Variants in CELF4 observed in about 807,000 individuals in gnomAD.
CELF4 encodes CUGBP Elav-like family member 4.
Under a neutral mutation model 59.9 loss-of-function variants are expected in CELF4, and 18 were observed. The ratio of observed to expected loss-of-function variants is 0.30; its 90% CI spans 0.21 to 0.45. CELF4 has a LOEUF of 0.45. Among genes scored for constraint, CELF4 ranks in the 20% least tolerant of loss-of-function variants. CELF4 has a pLI of 1.00. For synonymous variants in CELF4, 261 were observed against 267.1 expected, an observed-to-expected ratio of 0.98 and a Z score of 0.22; for missense variants, 456 against 689.0, an observed-to-expected ratio of 0.66 and a Z score of 3.79.
At chr18:37,515,164 T>C (rs1439895997) in intron 1 of CELF4, among the ~76,000 whole-genome samples, 1 of 152,222 alleles carries the variant, frequency 6.6e-6, no homozygotes, top group Admixed American at 6.5e-5. Context: ...CAAGCAGGCT[T>C]GCTGTTCGGC....
At chr18:37,560,207 G>A (rs1326967679) in intron 1 of CELF4, among the ~76,000 whole-genome samples, 1 of 152,226 alleles carries the variant, frequency 6.6e-6, no homozygotes, top group African/African-American at 2.4e-5. Flanking sequence ...GTTTCCATAT[G>A]TGTGGGATGT....
At chr18:37,442,870 A>G (rs2099736808) in intron 2 of CELF4, among the ~76,000 whole-genome samples, 1 of 152,076 alleles carries the variant, frequency 6.6e-6, no homozygotes. Context: ...CCGTCCTGTT[A>G]AGCTCTCCTT....
chr18:37,565,720 C>G lies in CELF4; in HGVS notation c.-79G>C. The G allele has an allele frequency of 7.9e-7, 1 of 1,267,498 alleles. No homozygotes were observed. The highest frequency in any genetic ancestry group is 1.1e-6 in the Non-Finnish European group (1 of 924,574). 78.5% of individuals were successfully genotyped at this position (1,267,498 alleles called of 1,614,324 possible). On this transcript the variant is annotated 5_prime_UTR_variant, in exon 1 of 13. Coordinates refer to ENST00000420428, the MANE Select transcript of CELF4 (RefSeq NM_020180.4). ...TCTCTCGCTCGCTCGCGCTCACACA[C>G]GCACACGCATACACACACTCGGGTT...
chr18:37,257,960 T>G (rs1380097682), intron 11 of CELF4, among the ~76,000 whole-genome samples: 1 of 152,176 alleles, frequency 6.6e-6, no homozygotes, highest in African/African-American at 2.4e-5. Context: ...GCTTGCTGGA[T>G]AGGGTTGCCA....
chr18:37,556,064 C>T (rs2099984701), intron 1 of CELF4, among the ~76,000 whole-genome samples: 1 of 152,144 alleles, frequency 6.6e-6, no homozygotes, highest in South Asian at 2.1e-4. Context: ...TCACAGAGTT[C>T]CTACAAATAC....
At chr18:37,470,136 A>ATTG (rs756841012) in intron 2 of CELF4, among the ~76,000 whole-genome samples, 39 of 152,250 alleles carry the variant, frequency 2.6e-4, no homozygotes, top group Non-Finnish European at 4.1e-4. Flanking sequence ...CCGAGTCAGA[A>ATTG]TAGAGGGTAA....
intron 3 of CELF4, among the ~76,000 whole-genome samples, chr18:37,311,997 G>T (rs1355530872): frequency 5.3e-5 from 8 of 150,076 alleles, no homozygotes; most frequent in Non-Finnish European, 1.0e-4. Flanking sequence ...TGTAGTCCCA[G>T]CTACTCGGGA....
chr18:37,435,185 G>A lies in CELF4; in HGVS notation c.369+50340C>T, dbSNP rs188403275. Among the ~76,000 whole-genome samples, 674 of 152,174 alleles carry A rather than the reference G, an allele frequency of 4.4e-3. 2 individuals are homozygous for A. Among genetic ancestry groups the A allele is most frequent in the South Asian group, 9.6e-3 (46 of 4,804 alleles). ...TCTGACCTGACTGTGAACAAACCCC[G>A]TTTTTTAGCTCAGCTGAGACAGGTG... On this transcript the variant is annotated intron_variant, in intron 2 of 12. Transcript: ENST00000420428.
chr18:37,246,898 A>T lies in CELF4; in HGVS notation c.*45-1701T>A, dbSNP rs1302023269. 1 of 152,152 alleles carries T rather than the reference A, an allele frequency of 6.6e-6. No homozygotes were observed. Among genetic ancestry groups the T allele is most frequent in the Non-Finnish European group, 1.5e-5 (1 of 68,020 alleles). The allele number at this position is 152,152 out of a possible 1,614,324, so 9.4% of individuals were successfully genotyped here. A position where few individuals can be genotyped will look rare whatever the true frequency, so the allele number is the denominator to read the frequency against. ...CTCTATGTGACATCTAGAGAAGCATAAAAAAACGCTGAACAAGAAAAACCA... is the reference window on the plus strand; with the variant it reads ...CTCTATGTGACATCTAGAGAAGCATTAAAAAACGCTGAACAAGAAAAACCA... On this transcript the variant is annotated intron_variant, in intron 12 of 12. Coordinates refer to ENST00000420428, the MANE Select transcript of CELF4 (RefSeq NM_020180.4). The surrounding 1 kb of genome is among the most constrained non-coding windows in gnomAD (Gnocchi z 5.3).
chr18:37,336,945 C>T (rs536020644), intron 2 of CELF4, among the ~76,000 whole-genome samples: 49 of 152,190 alleles, frequency 3.2e-4, no homozygotes, highest in African/African-American at 1.1e-3. Flanking sequence ...CCCGAGGCTT[C>T]GGCTGCGTCC....
intron 1 of CELF4, among the ~76,000 whole-genome samples, chr18:37,542,074 T>C (rs1039835304): frequency 4.6e-5 from 7 of 152,164 alleles, no homozygotes; most frequent in Non-Finnish European, 1.0e-4. Flanking sequence ...GAGTGAATTA[T>C]TCAATCCTGA....
intron 2 of CELF4, among the ~76,000 whole-genome samples, chr18:37,394,951 C>T (rs1365723179): frequency 1.5e-5 from 2 of 136,274 alleles, no homozygotes; most frequent in Non-Finnish European, 3.2e-5. Flanking sequence ...ACCCGCCCCC[C>T]ACCCCCCACC....
intron 2 of CELF4, among the ~76,000 whole-genome samples, chr18:37,476,082 C>G (rs573885703): frequency 5.3e-5 from 8 of 152,370 alleles, no homozygotes; most frequent in Admixed American, 2.6e-4. Flanking sequence ...CATCCCCACT[C>G]GCATCATTGT....
chr18:37,516,724 C>T (rs1417009364), intron 1 of CELF4, among the ~76,000 whole-genome samples: 1 of 152,172 alleles, frequency 6.6e-6, no homozygotes, highest in African/African-American at 2.4e-5. Context: ...GGTCTGGCTC[C>T]AAGGCTTTAG....
chr18:37,359,781 TC>T (rs1212242952), intron 2 of CELF4, among the ~76,000 whole-genome samples: 3 of 152,152 alleles, frequency 2.0e-5, no homozygotes, highest in Non-Finnish European at 4.4e-5. Flanking sequence ...TCTCCTGACC[TC>T]GTGGTCCGCC....
chr18:37,521,393 A>T (rs1414857895), intron 1 of CELF4, among the ~76,000 whole-genome samples: 3 of 152,142 alleles, frequency 2.0e-5, no homozygotes, highest in Non-Finnish European at 2.9e-5. Flanking sequence ...GCAATAGATC[A>T]TACAGGATGG....
intron 10 of CELF4, 49 bp downstream of exon 10, chr18:37,264,624 TG>T: frequency 6.7e-7 from 1 of 1,486,998 alleles, no homozygotes; most frequent in Non-Finnish European, 9.2e-7. Flanking sequence ...GCAGCCTCTT[TG>T]GGGACAACAG....
chr18:37,301,549 G>A (rs1345636576), intron 3 of CELF4, among the ~76,000 whole-genome samples: 1 of 152,176 alleles, frequency 6.6e-6, no homozygotes, highest in Admixed American at 6.5e-5. Context: ...GCCAGGCATG[G>A]GGCTGGACCA....
chr18:37,549,847 G>A (rs2099982583), intron 1 of CELF4, among the ~76,000 whole-genome samples: 1 of 151,984 alleles, frequency 6.6e-6, no homozygotes, highest in South Asian at 2.1e-4. Context: ...ACTTAATCTG[G>A]TATATAATGT....
Sources: allele counts gnomAD v4.1 joint callset (sites outside exome capture counted in the v4.1 genomes callset), GRCh38; gene constraint gnomAD v4.1.1; non-coding constraint Gnocchi (gnomAD v3.1); transcripts MANE v1.5; gene names NCBI Gene and HGNC (gene_info 2026-07-23, HGNC 2026-07-21).